The following NPIPB2 variants were observed in gnomAD, a reference collection of about 807,000 sequenced individuals.
The protein encoded by NPIPB2 is nuclear pore complex-interacting protein family member B2.
NPIPB2 carries 27 observed loss-of-function variants against 30.8 expected under a neutral mutation model. The ratio of observed to expected loss-of-function variants is 0.88; its 90% confidence interval spans 0.65 to 1.21. The LOEUF is 1.21. Ranked by LOEUF, NPIPB2 falls within the 50% of genes most tolerant of loss-of-function variation. The pLI is 0.00. For synonymous variants in NPIPB2, 147 were observed against 162.0 expected (o/e 0.91, Z 0.70); for missense variants, 440 against 446.2 (o/e 0.99, Z 0.13).
intron 1 of NPIPB2, chr16:11,966,886 T>G (rs2055198426): frequency 6.5e-6 from 1 of 152,904 alleles, no homozygotes; most frequent in South Asian, 2.0e-4. Flanking sequence ...ATGTTCTACT[T>G]AAGTGCCTCT....
chr16:11,948,714 C>T (rs2055035249), intron 1 of NPIPB2, among the ~76,000 whole-genome samples: 1 of 140,640 alleles, frequency 7.1e-6, no homozygotes, highest in African/African-American at 2.6e-5. Context: ...TTGCAGTGAG[C>T]CGAGATCCCG....
intron 1 of NPIPB2, among the ~76,000 whole-genome samples, chr16:11,957,107 C>A (rs185048863): frequency 6.6e-6 from 1 of 151,746 alleles, no homozygotes; most frequent in East Asian, 1.9e-4. Context: ...ATTCTCCTGC[C>A]TCAGCCTCCA....
Position 11,959,033 on chromosome 16 carries a change from C to T in NPIPB2, c.-583-16919G>A, listed in dbSNP as rs138169239. On this transcript the variant is annotated intron_variant, in intron 1 of 5. Transcript: ENST00000538896. ...TAGTTTGCCCCTGTATGGCTCTTGCCTCTGTGAATGGGCAGCCAAGCATTT... is the reference window on the plus strand; with the variant it reads ...TAGTTTGCCCCTGTATGGCTCTTGCTTCTGTGAATGGGCAGCCAAGCATTT... Among the ~76,000 whole-genome samples, 263 of 152,274 alleles carry T rather than the reference C, an allele frequency of 1.7e-3. 1 individual carries two copies. Among genetic ancestry groups the T allele is most frequent in the African/African-American group, 6.1e-3 (253 of 41,562 alleles).
chr16:11,936,410 T>A (rs2054869751), intron 2 of NPIPB2, among the ~76,000 whole-genome samples: 4 of 149,016 alleles, frequency 2.7e-5, no homozygotes, highest in African/African-American at 9.8e-5. Flanking sequence ...CCTAGATATC[T>A]TCATAACTCA....
chr16:11,952,122 C>G (rs1178433443), intron 1 of NPIPB2, among the ~76,000 whole-genome samples: 1 of 140,736 alleles, frequency 7.1e-6, no homozygotes, highest in African/African-American at 2.6e-5. Flanking sequence ...CATTGCACTC[C>G]AGCCTGGGCG....
In NPIPB2 at chr16:11,958,196, C is replaced by T. The variant is rs570304466; in HGVS notation, c.-583-16082G>A. Among the ~76,000 whole-genome samples the T allele has an allele frequency of 3.0e-4, 45 of 151,988 alleles. 1 individual carries two copies. The South Asian group carries it at 8.5e-3, about 29-fold the overall frequency. On this transcript the variant is annotated intron_variant, in intron 1 of 5. Transcript: ENST00000538896. The stretch of plus-strand genomic sequence containing the variant: ...ATTCCAACACTTTGGGAGACTGTGG[C>T]GGGCAGATCACCTGAGGTCAGGAGT...
chr16:11,933,486 A>T lies in NPIPB2; in HGVS notation c.488+31T>A, dbSNP rs182364436. The T allele has an allele frequency of 3.1e-4, 492 of 1,596,422 alleles. 2 individuals are homozygous for T. Among genetic ancestry groups the T allele is most frequent in the Middle Eastern group, 1.3e-3 (6 of 4,448 alleles). On this transcript the variant is annotated intron_variant, in intron 4 of 7. Coordinates refer to ENST00000399147, the Ensembl canonical transcript of NPIPB2. The stretch of plus-strand genomic sequence containing the variant: ...CTACTTTGATTGGCACATGGTTCAT[A>T]CAACAATATTTGTGTCAAGGCACAT...
chr16:11,959,062 G>A (rs911165011), intron 1 of NPIPB2, among the ~76,000 whole-genome samples: 1 of 152,200 alleles, frequency 6.6e-6, no homozygotes, highest in African/African-American at 2.4e-5. Context: ...AGCATTTGGT[G>A]CTGGGGCTCG....
At chr16:11,937,398 T>G in intron 2 of NPIPB2, 142 bp downstream of exon 2, 1 of 635,622 alleles carries the variant, frequency 1.6e-6, no homozygotes, top group Non-Finnish European at 2.6e-6. Flanking sequence ...ATTTTCATAA[T>G]TCTTATGCTA....
chr16:11,957,604 T>C (rs1263282244), intron 1 of NPIPB2, among the ~76,000 whole-genome samples: 3 of 152,088 alleles, frequency 2.0e-5, no homozygotes, highest in African/African-American at 7.2e-5. Context: ...CTTAAATCAG[T>C]AGACTTTGAA....
At chr16:11,938,063 G>T (rs947129161) in intron 1 of NPIPB2, among the ~76,000 whole-genome samples, 1 of 152,230 alleles carries the variant, frequency 6.6e-6, no homozygotes, top group Non-Finnish European at 1.5e-5. Context: ...CAGTCGCCCA[G>T]GCTGGAGTGC....
upstream of NPIPB2, among the ~76,000 whole-genome samples, chr16:11,945,619 A>G (rs1456970518): frequency 6.6e-6 from 1 of 151,872 alleles, no homozygotes; most frequent in Non-Finnish European, 1.5e-5. Flanking sequence ...TGGATGCTTC[A>G]CTGAGCTGAA....
intron 1 of NPIPB2, among the ~76,000 whole-genome samples, chr16:11,959,076 C>G (rs1376255992): frequency 6.6e-6 from 1 of 152,116 alleles, no homozygotes; most frequent in Non-Finnish European, 1.5e-5. Context: ...GGGCTCGGGC[C>G]GTGGCAGAAG....
intron 1 of NPIPB2, among the ~76,000 whole-genome samples, chr16:11,962,982 A>G (rs406249): frequency 0.98 from 148,550 of 152,250 alleles, 72,581 homozygotes; most frequent in East Asian, 1. Context: ...CAGGAGAATC[A>G]CTTGAACCCG....
At chr16:11,953,738 C>T (rs1327915714) in intron 1 of NPIPB2, among the ~76,000 whole-genome samples, 3 of 117,258 alleles carry the variant, frequency 2.6e-5, no homozygotes, top group Non-Finnish European at 5.1e-5. Flanking sequence ...TTTTTTGAGA[C>T]GGAGCCTTTC....
intron 1 of NPIPB2, among the ~76,000 whole-genome samples, chr16:11,961,832 C>G (rs988869744): frequency 1.3e-5 from 2 of 151,264 alleles, no homozygotes; most frequent in African/African-American, 4.9e-5. Flanking sequence ...CTATCTGCCT[C>G]CTGGGTGGAT....
intron 1 of NPIPB2, among the ~76,000 whole-genome samples, chr16:11,939,326 C>T (rs541525852): frequency 3.1e-4 from 47 of 151,914 alleles, no homozygotes; most frequent in Non-Finnish European, 6.0e-4. Flanking sequence ...CTTTGGGAAG[C>T]CAAGGTGGGT....
chr16:11,961,179 T>C (rs1371499936), intron 1 of NPIPB2, among the ~76,000 whole-genome samples: 3 of 152,088 alleles, frequency 2.0e-5, no homozygotes, highest in Non-Finnish European at 2.9e-5. Flanking sequence ...ATAATTTTTG[T>C]TCTCTCCCTA....
intron 1 of NPIPB2, among the ~76,000 whole-genome samples, chr16:11,959,922 C>T (rs759884221): frequency 1.3e-4 from 20 of 152,090 alleles, no homozygotes; most frequent in African/African-American, 2.2e-4. Context: ...ACCACAAGCA[C>T]GCACTACCAC....
Sources: gnomAD v4.1 joint callset for allele counts (sites outside exome capture counted in the v4.1 genomes callset) on GRCh38, gnomAD v4.1.1 for gene constraint, MANE v1.5 for transcripts, NCBI Gene and HGNC (gene_info 2026-07-23, HGNC 2026-07-21) for gene names.